LINGO2: variants seen among roughly 807,000 people sequenced by gnomAD.
LINGO2 encodes leucine rich repeat and Ig domain containing 2.
Under a neutral mutation model 30.6 loss-of-function variants are expected in LINGO2, and 14 were observed. The observed-to-expected ratio is 0.46, with a 90% CI of 0.30 to 0.72. The LOEUF (loss-of-function observed/expected upper bound fraction) is 0.72. LINGO2 is among the 30% of genes least tolerant of loss of function. LINGO2 has a pLI of 0.07. For synonymous variants in LINGO2, 317 were observed against 288.5 expected, an observed-to-expected ratio of 1.10 and a Z score of -1.00; for missense variants, 729 against 751.7, an observed-to-expected ratio of 0.97 and a Z score of 0.35.
intron 1 of LINGO2, among the ~76,000 whole-genome samples, chr9:28,550,340 C>A (rs186852731): frequency 2.0e-5 from 3 of 151,686 alleles, no homozygotes; most frequent in Admixed American, 1.3e-4. Flanking sequence ...TTTATAATTT[C>A]TTCAGATTTA....
At chr9:28,237,947 T>C (rs929205585) in intron 4 of LINGO2, among the ~76,000 whole-genome samples, 2 of 152,040 alleles carry the variant, frequency 1.3e-5, no homozygotes, top group South Asian at 2.1e-4. Flanking sequence ...GATATTCCAT[T>C]CCAATGGAAA....
At chr9:29,130,270 G>T in the LINGO2 span, among the ~76,000 whole-genome samples, 6 of 152,222 alleles carry the variant, frequency 3.9e-5, no homozygotes, top group Admixed American at 3.9e-4. Flanking sequence ...GGCAGCTAAT[G>T]AAGTTATAAT....
chr9:28,118,919 A>T (rs577581754), intron 4 of LINGO2, among the ~76,000 whole-genome samples: 1 of 152,332 alleles, frequency 6.6e-6, no homozygotes, highest in African/African-American at 2.4e-5. Context: ...CTGACATCTT[A>T]TATAGAAGTT....
chr9:28,572,865 T>C (rs1246137199), intron 1 of LINGO2, among the ~76,000 whole-genome samples: 2 of 152,160 alleles, frequency 1.3e-5, no homozygotes, highest in African/African-American at 4.8e-5. Context: ...ACTGTAACAG[T>C]GCCCTTTGGA....
At chr9:28,716,517 C>T in the LINGO2 span, among the ~76,000 whole-genome samples, 3 of 151,876 alleles carry the variant, frequency 2.0e-5, no homozygotes, top group African/African-American at 7.3e-5. Context: ...TAAAAAGAAG[C>T]CAGTATAGGA....
chr9:28,995,602 A>G, the LINGO2 span, among the ~76,000 whole-genome samples: 1 of 152,164 alleles, frequency 6.6e-6, no homozygotes, highest in South Asian at 2.1e-4. Flanking sequence ...TCACAATAGC[A>G]AAGACTTGGA....
rs1202707865 is a variant in LINGO2, at chr9:28,147,482, C to T, written c.-86-135077G>A. Among the ~76,000 whole-genome samples the T allele has an allele frequency of 2.0e-5, 3 of 152,188 alleles. No individual in the cohort carries two copies. Among genetic ancestry groups the T allele is most frequent in the East Asian group, 1.9e-4 (1 of 5,172 alleles). Reference sequence around the variant, plus strand: ...GAGGCCACGGCAGCCATGGAGAAGGCGGGCCTGGCTCCAGGCAGCACAGAG... The same window carrying T: ...GAGGCCACGGCAGCCATGGAGAAGGTGGGCCTGGCTCCAGGCAGCACAGAG... On this transcript the variant is annotated intron_variant, in intron 4 of 5. Transcript: ENST00000379992. This position sits in a 1 kb window ranked among gnomAD's most constrained non-coding sequence, Gnocchi z 4.7.
intron 5 of LINGO2, among the ~76,000 whole-genome samples, chr9:27,962,558 G>A (rs528101631): frequency 1.3e-5 from 2 of 152,206 alleles, no homozygotes; most frequent in East Asian, 3.9e-4. Flanking sequence ...CCCCTTCTAC[G>A]ACTGTCCTTC....
At chr9:28,742,624 A>C in the LINGO2 span, among the ~76,000 whole-genome samples, 3 of 151,854 alleles carry the variant, frequency 2.0e-5, no homozygotes, top group Admixed American at 6.6e-5. Flanking sequence ...TTAATAACCC[A>C]ACATGTATTT....
At chr9:28,944,695 C>T in the LINGO2 span, among the ~76,000 whole-genome samples, 1 of 152,220 alleles carries the variant, frequency 6.6e-6, no homozygotes, top group African/African-American at 2.4e-5. Context: ...CGTGAGCCAC[C>T]ACACCTGGCC....
At chr9:28,031,925 T>G (rs997959138) in intron 4 of LINGO2, among the ~76,000 whole-genome samples, 1 of 151,968 alleles carries the variant, frequency 6.6e-6, no homozygotes, top group Non-Finnish European at 1.5e-5. Flanking sequence ...TGTATTATTG[T>G]GACAGCCAAC....
intron 1 of LINGO2, among the ~76,000 whole-genome samples, chr9:28,641,746 G>A (rs1827594556): frequency 6.6e-6 from 1 of 152,148 alleles, no homozygotes; most frequent in African/African-American, 2.4e-5. Context: ...AGGGTTATGG[G>A]CAAGACACAG....
chr9:28,692,371 A>T, the LINGO2 span, among the ~76,000 whole-genome samples: 1 of 152,094 alleles, frequency 6.6e-6, no homozygotes, highest in East Asian at 1.9e-4. Flanking sequence ...GCCATTCAGG[A>T]GGCTGAGGCA....
chr9:28,423,792 ATAAGG>A (rs1823300004), intron 2 of LINGO2, among the ~76,000 whole-genome samples: 1 of 152,142 alleles, frequency 6.6e-6, no homozygotes, highest in Admixed American at 6.6e-5. Flanking sequence ...GCTTGGGTGA[ATAAGG>A]TGTATAATAT....
chr9:28,074,649 A>G (rs1314644714), intron 4 of LINGO2, among the ~76,000 whole-genome samples: 1 of 152,158 alleles, frequency 6.6e-6, no homozygotes, highest in African/African-American at 2.4e-5. Flanking sequence ...ACAGATGAAA[A>G]AACCCAAAGC....
At chr9:28,231,716 C>T (rs1051472248) in intron 4 of LINGO2, among the ~76,000 whole-genome samples, 21 of 152,010 alleles carry the variant, frequency 1.4e-4, no homozygotes, top group Non-Finnish European at 2.8e-4. Flanking sequence ...GAAGTCTTAT[C>T]CCTCACCAAA....
At chr9:29,159,743 A>G in the LINGO2 span, among the ~76,000 whole-genome samples, 2 of 151,852 alleles carry the variant, frequency 1.3e-5, no homozygotes, top group Non-Finnish European at 2.9e-5. Context: ...CAGTAATCCC[A>G]GCTACTCCGG....
At chr9:28,426,840 A>G (rs7037516) in intron 2 of LINGO2, among the ~76,000 whole-genome samples, 70,566 of 151,824 alleles carry the variant, frequency 0.46, 16,665 homozygotes, top group Admixed American at 0.51. Flanking sequence ...TCATCTACCT[A>G]CCAAACTCCC....
At chr9:29,048,284 C>T in the LINGO2 span, among the ~76,000 whole-genome samples, 1 of 150,896 alleles carries the variant, frequency 6.6e-6, no homozygotes, top group African/African-American at 2.4e-5. Context: ...ATAATGAAAA[C>T]CATAAAACAC....
Sources: gnomAD v4.1 joint callset for allele counts (sites outside exome capture counted in the v4.1 genomes callset) on GRCh38, gnomAD v4.1.1 for gene constraint, Gnocchi (gnomAD v3.1) non-coding constraint, MANE v1.5 for transcripts, NCBI Gene and HGNC (gene_info 2026-07-23, HGNC 2026-07-21) for gene names.